SUPT3H: variants seen among roughly 807,000 people sequenced by gnomAD.
SUPT3H encodes SPT3 homolog, SAGA and STAGA complex component.
A neutral mutation model predicts 44.3 loss-of-function variants in SUPT3H; 44 were observed. The ratio of observed to expected loss-of-function variants is 0.99; its 90% CI spans 0.78 to 1.28. The LOEUF is 1.28. Among genes scored for constraint, SUPT3H ranks in the 50% most tolerant of loss-of-function variants. The pLI is 0.00. For missense variants in SUPT3H, 380 were observed against 387.1 expected (o/e 0.98, Z 0.15); for synonymous variants, 124 against 125.6 (o/e 0.99, Z 0.09).
intron 10 of SUPT3H, among the ~76,000 whole-genome samples, chr6:44,882,911 A>T (rs1370237420): frequency 2.6e-5 from 4 of 152,222 alleles, no homozygotes; most frequent in Admixed American, 2.6e-4. Context: ...TGTTTATGAC[A>T]AATCCACAGC....
chr6:45,085,423 C>T (rs1796364622), intron 3 of SUPT3H, among the ~76,000 whole-genome samples: 1 of 152,102 alleles, frequency 6.6e-6, no homozygotes, highest in African/African-American at 2.4e-5. Context: ...CTCCATACTA[C>T]CTGTTTTGTT....
chr6:45,120,290 A>G (rs956261286), intron 2 of SUPT3H, among the ~76,000 whole-genome samples: 1 of 151,890 alleles, frequency 6.6e-6, no homozygotes, highest in African/African-American at 2.4e-5. Context: ...TTTAAAAGTG[A>G]AAAGACTATA....
At position 45,199,854 on chromosome 6, in the gene SUPT3H, A is replaced by T. The variant is rs140623100; in HGVS notation, c.102-93848T>A. Among the ~76,000 whole-genome samples, 376 of 151,590 alleles carry T rather than the reference A, an allele frequency of 2.5e-3. 3 individuals are homozygous for T. Among genetic ancestry groups the T allele is most frequent in the African/African-American group, 8.6e-3 (356 of 41,524 alleles). ...GACTTTGAACTCAGGTTTTTCAAAG[A>T]TTAGTTAAACATTATGTTTCTTTAA... On this transcript the variant is annotated intron_variant, in intron 2 of 10. Coordinates refer to ENST00000371459, the MANE Select transcript of SUPT3H (RefSeq NM_003599.4).
chr6:45,124,576 C>T (rs1318808718), intron 2 of SUPT3H, among the ~76,000 whole-genome samples: 18 of 150,574 alleles, frequency 1.2e-4, no homozygotes, highest in African/African-American at 2.2e-4. Flanking sequence ...ACCCGGGACG[C>T]GGAGGTTGCA....
chr6:45,059,747 T>A (rs1791685969), intron 3 of SUPT3H, among the ~76,000 whole-genome samples: 1 of 152,138 alleles, frequency 6.6e-6, no homozygotes, highest in Admixed American at 6.6e-5. Flanking sequence ...ATTCTCAGGT[T>A]ATAAAATATT....
intron 5 of SUPT3H, among the ~76,000 whole-genome samples, chr6:45,012,510 TTC>T (rs1315967458): frequency 6.6e-6 from 1 of 152,106 alleles, no homozygotes; most frequent in Non-Finnish European, 1.5e-5. Flanking sequence ...TTAAAATAAA[TTC>T]TGTCTCTATT....
In SUPT3H at chr6:45,323,094, T is replaced by G; in HGVS notation, c.101+42107A>C. The G allele has an allele frequency of 5.1e-6, 3 of 584,698 alleles. No homozygotes were observed. In the South Asian group the frequency reaches 6.8e-5, roughly 13 times the overall value. 36.2% of individuals were successfully genotyped at this position (584,698 alleles called of 1,614,324 possible). ...CTGTGCCGGTTGTGAAACAAAACACTGACAATTTATATACTGGAATGCTCA... is the reference window on the plus strand; with the variant it reads ...CTGTGCCGGTTGTGAAACAAAACACGGACAATTTATATACTGGAATGCTCA... On this transcript the variant is annotated intron_variant, in intron 2 of 10. Coordinates refer to ENST00000371459, the MANE Select transcript of SUPT3H (RefSeq NM_003599.4).
chr6:45,205,689 C>T (rs892764985), intron 2 of SUPT3H, among the ~76,000 whole-genome samples: 1 of 151,728 alleles, frequency 6.6e-6, no homozygotes, highest in Non-Finnish European at 1.5e-5. Flanking sequence ...CCTAGCTACC[C>T]GGGAGGCTGA....
chr6:45,120,633 A>G (rs1039378275), intron 2 of SUPT3H, among the ~76,000 whole-genome samples: 34 of 152,050 alleles, frequency 2.2e-4, no homozygotes, highest in African/African-American at 8.0e-4. Flanking sequence ...AATGATGTCT[A>G]TATCAATAAC....
chr6:45,161,225 G>A (rs893955693), intron 2 of SUPT3H, among the ~76,000 whole-genome samples: 5 of 152,042 alleles, frequency 3.3e-5, no homozygotes, highest in African/African-American at 1.2e-4. Flanking sequence ...CCCAGTCTCA[G>A]GTATTTCTTT....
chr6:44,942,765 T>C (rs1772667210), intron 9 of SUPT3H, among the ~76,000 whole-genome samples: 1 of 152,150 alleles, frequency 6.6e-6, no homozygotes, highest in Non-Finnish European at 1.5e-5. Context: ...TCTTCCTGTA[T>C]GGTATGAAAT....
At chr6:45,023,607 G>A (rs940912869) in intron 3 of SUPT3H, among the ~76,000 whole-genome samples, 2 of 152,152 alleles carry the variant, frequency 1.3e-5, no homozygotes, top group African/African-American at 4.8e-5. Flanking sequence ...AAAAGAATGA[G>A]ATCATGTCTT....
At chr6:45,087,698 C>T (rs1423882262) in intron 3 of SUPT3H, among the ~76,000 whole-genome samples, 1 of 151,818 alleles carries the variant, frequency 6.6e-6, no homozygotes, top group African/African-American at 2.4e-5. Context: ...CTCATTTTAG[C>T]ACACTGGTCA....
At chr6:45,079,032 TG>T (rs1474461514) in intron 3 of SUPT3H, among the ~76,000 whole-genome samples, 1 of 152,118 alleles carries the variant, frequency 6.6e-6, no homozygotes, top group Admixed American at 6.6e-5. Context: ...CATATATTGC[TG>T]GGCGCGGTGG....
At chr6:44,951,526 G>A (rs1423618833) in intron 9 of SUPT3H, among the ~76,000 whole-genome samples, 3 of 152,100 alleles carry the variant, frequency 2.0e-5, no homozygotes, top group Non-Finnish European at 4.4e-5. Flanking sequence ...AGTCACAGGA[G>A]GGGAGGGGTG....
At position 45,102,853 on chromosome 6, in the gene SUPT3H, C is replaced by T. The variant is rs76619528; in HGVS notation, c.186+3069G>A. Among the ~76,000 whole-genome samples, 915 of 151,678 alleles carry T rather than the reference C, an allele frequency of 6.0e-3. 14 individuals carry two copies. Among genetic ancestry groups the T allele is most frequent in the African/African-American group, 0.021 (871 of 41,326 alleles). ...TACTCAAGAGACTGAGACAGGAAAT[C>T]GCTTGAACCCAGGAGTTGGAGATTG... On this transcript the variant is annotated intron_variant, in intron 3 of 10. Transcript: ENST00000371459.
chr6:44,824,319 G>A (rs1767582748), downstream of SUPT3H, among the ~76,000 whole-genome samples: 1 of 152,154 alleles, frequency 6.6e-6, no homozygotes, highest in South Asian at 2.1e-4. Context: ...GCATTGGCAG[G>A]TGAACTAACT....
At position 45,112,962 on chromosome 6, in the gene SUPT3H, CTT is replaced by C. The variant is rs11330704; in HGVS notation, c.102-6958_102-6957del. 4.4e-3 allele frequency among the ~76,000 whole-genome samples: 615 copies of C among 138,358 alleles called. 3 individuals carry two copies. The highest frequency in any genetic ancestry group is 9.8e-3 in the African/African-American group (365 of 37,152). The allele number at this position is 138,358 out of a possible 152,430, so 90.8% of individuals were successfully genotyped here. On this transcript the variant is annotated intron_variant, in intron 2 of 10. Coordinates refer to ENST00000371459, the MANE Select transcript of SUPT3H (RefSeq NM_003599.4). ...TTGCTGTGGTCTTGGGAGCTAGTCA[CTT>C]TTTTTTTTTTTTTTAATTAGTTCTG...
At position 45,014,270 on chromosome 6, in the gene SUPT3H, A is replaced by G. The variant is rs186934832; in HGVS notation, c.364+531T>C. 3.0e-3 allele frequency among the ~76,000 whole-genome samples: 453 copies of G among 152,250 alleles called. 2 individuals are homozygous for G. The highest frequency in any genetic ancestry group is 8.4e-3 in the African/African-American group (348 of 41,556). On this transcript the variant is annotated intron_variant, in intron 5 of 10. Transcript: ENST00000371459. ...GGACATCAAACTAATATGATGGTTT[A>G]GCAAAACTGAATATTACTCTTACCA...
Sources: gnomAD v4.1 joint callset for allele counts (sites outside exome capture counted in the v4.1 genomes callset) on GRCh38, gnomAD v4.1.1 for gene constraint, MANE v1.5 for transcripts, NCBI Gene and HGNC (gene_info 2026-07-23, HGNC 2026-07-21) for gene names.